The following PCYT1A variants were observed in gnomAD, a reference collection of about 807,000 sequenced individuals.
PCYT1A encodes choline-phosphate cytidylyltransferase A.
PCYT1A carries 25 observed loss-of-function variants against 43.7 expected under a neutral mutation model. That is an observed-to-expected ratio of 0.57 (90% CI 0.42 to 0.80). The LOEUF (loss-of-function observed/expected upper bound fraction) is 0.80, where lower values mean the gene tolerates loss of function less well. Among genes scored for constraint, PCYT1A ranks in the 30% least tolerant of loss-of-function variants. The probability of loss-of-function intolerance (pLI) is 0.00; values close to 1 mark genes in which losing one functional copy is unlikely to be tolerated. For missense variants in PCYT1A, 421 were observed against 474.2 expected, an observed-to-expected ratio of 0.89 and a Z score of 1.04; for synonymous variants, 172 against 170.7, an observed-to-expected ratio of 1.01 and a Z score of -0.06.
At position 196,282,417 on chromosome 3, in the gene PCYT1A, C is replaced by G. The variant is rs1482487313; in HGVS notation, c.-11+5198G>C. 3.9e-5 allele frequency among the ~76,000 whole-genome samples: 6 copies of G among 152,138 alleles called. No individual in the cohort carries two copies. Among genetic ancestry groups the G allele is most frequent in the Non-Finnish European group, 1.5e-5 (1 of 68,036 alleles). ...GGTTATGGAACTCATATCTCTGAGG[C>G]AGGGTCTATGATAGAATTCAGGAAG... On this transcript the variant is annotated intron_variant, in intron 1 of 8. Transcript: ENST00000431016. The surrounding 1 kb of genome is among the most constrained non-coding windows in gnomAD (Gnocchi z 4.3).
At chr3:196,260,112 AG>A (rs931346716) in intron 2 of PCYT1A, among the ~76,000 whole-genome samples, 13 of 151,444 alleles carry the variant, frequency 8.6e-5, no homozygotes, top group Admixed American at 4.6e-4. Flanking sequence ...TAGTAGAGAC[AG>A]GGTTTCACCA....
chr3:196,255,307 T>A (rs991099926), intron 3 of PCYT1A, among the ~76,000 whole-genome samples: 1 of 152,174 alleles, frequency 6.6e-6, no homozygotes, highest in African/African-American at 2.4e-5. Context: ...TTACAATGAG[T>A]AGCACCATTC....
At chr3:196,251,144 T>A (rs535364813) in intron 3 of PCYT1A, among the ~76,000 whole-genome samples, 1 of 150,658 alleles carries the variant, frequency 6.6e-6, no homozygotes, top group Non-Finnish European at 1.5e-5. Context: ...GAGGACCAGA[T>A]ACACCATGCT....
intron 3 of PCYT1A, among the ~76,000 whole-genome samples, chr3:196,249,894 A>G (rs1724694100): frequency 6.6e-6 from 1 of 151,886 alleles, no homozygotes; most frequent in African/African-American, 2.4e-5. Flanking sequence ...GCTGAGGACC[A>G]GATACACTAT....
At chr3:196,278,816 C>T (rs1028317927) in intron 1 of PCYT1A, among the ~76,000 whole-genome samples, 6 of 151,740 alleles carry the variant, frequency 4.0e-5, no homozygotes, top group Non-Finnish European at 5.9e-5. Context: ...CCCATCTCTA[C>T]TAAAAAGACA....
intron 3 of PCYT1A, among the ~76,000 whole-genome samples, chr3:196,250,206 A>G (rs1286455143): frequency 6.8e-6 from 1 of 146,016 alleles, no homozygotes; most frequent in Non-Finnish European, 1.5e-5. Flanking sequence ...GCCGAGGCAG[A>G]GGACCAGGTA....
At chr3:196,248,589 C>G (rs1232345412) in intron 3 of PCYT1A, among the ~76,000 whole-genome samples, 1 of 151,828 alleles carries the variant, frequency 6.6e-6, no homozygotes, top group Non-Finnish European at 1.5e-5. Flanking sequence ...CCAGGCTGGT[C>G]TCGAATTCCT....
intron 5 of PCYT1A, among the ~76,000 whole-genome samples, chr3:196,244,662 T>TG (rs1422823310): frequency 6.6e-6 from 1 of 152,166 alleles, no homozygotes; most frequent in Non-Finnish European, 1.5e-5. Context: ...GGGGGAAATG[T>TG]GGGGAAAAGA....
chr3:196,262,976 G>A (rs750743830), intron 2 of PCYT1A, among the ~76,000 whole-genome samples: 1 of 151,854 alleles, frequency 6.6e-6, no homozygotes, highest in Non-Finnish European at 1.5e-5. Context: ...TTTAGTTTTA[G>A]TAGAGACAGG....
rs369326424 is a variant in PCYT1A at position 196,238,750 on chromosome 3, G to A, written c.1042C>T (p.Pro348Ser). ...GCCTTGTGCCTGGAGAGATTTGCTG[G>A]GGAGCAAGGTGGGGAAGTCTTGCCG... ...FSGKTSPPCS[P>S]ANLSRHKAAA... Residue 348 changes from proline to serine, a missense_variant, in exon 9 of 9, where the codon CCA (proline) becomes TCA (serine). Physicochemically the swap from Pro to Ser is moderately conservative, Grantham distance 74. Around this residue, in one of 3 missense-constraint regions of PCYT1A, gnomAD observed 108 missense variants for 85.7 expected, o/e 1.26. Transcript: ENST00000431016. 3.0e-5 allele frequency: 47 copies of A among 1,592,178 alleles called. No individual in the cohort carries two copies. Among genetic ancestry groups the A allele is most frequent in the African/African-American group, 4.1e-5 (3 of 73,438 alleles).
Position 196,242,034 on chromosome 3 carries a change from G to T in PCYT1A, c.622C>A (p.Arg208=). 1 of 1,614,076 alleles carries T rather than the reference G, an allele frequency of 6.2e-7. No individual in the cohort carries two copies. Among genetic ancestry groups the T allele is most frequent in the Non-Finnish European group, 8.5e-7 (1 of 1,179,962 alleles). ...EGISTSDIIT[R]IVRDYDVYAR... ...TACACATCATAATCCCGCACAATTC[G>T]GGTGATGATGTCTGATGTGGAGATA... The change falls in exon 7 of 9, where the codon CGA becomes AGA. Residue 208 remains arginine, a synonymous_variant. Transcript: ENST00000431016. The surrounding 1 kb of genome is among the most constrained non-coding windows in gnomAD (Gnocchi z 4.2).
chr3:196,251,173 C>T (rs1357775882), intron 3 of PCYT1A, among the ~76,000 whole-genome samples: 1 of 151,268 alleles, frequency 6.6e-6, no homozygotes, highest in African/African-American at 2.4e-5. Flanking sequence ...GGATCACATA[C>T]ACCATGCTGA....
chr3:196,248,356 T>C (rs758691089), intron 3 of PCYT1A, 33 bp from the exon 4 acceptor site: 10 of 1,271,324 alleles, frequency 7.9e-6, no homozygotes, highest in East Asian at 4.6e-5. Flanking sequence ...ATCACAAAAA[T>C]ACCTTTTTTT....
At chr3:196,241,793 T>C in intron 7 of PCYT1A, 155 bp downstream of exon 7, 1 of 1,207,608 alleles carries the variant, frequency 8.3e-7, no homozygotes, top group Non-Finnish European at 1.2e-6. Flanking sequence ...TCTGTTTCAT[T>C]CTTTTTGTGA....
At chr3:196,257,076 T>A (rs1350295296) in intron 3 of PCYT1A, among the ~76,000 whole-genome samples, 1 of 152,130 alleles carries the variant, frequency 6.6e-6, no homozygotes, top group Non-Finnish European at 1.5e-5. Context: ...AAGGGAGAAT[T>A]GGGGAATTTA....
chr3:196,262,445 T>A (rs570778468), intron 2 of PCYT1A, among the ~76,000 whole-genome samples: 27 of 152,368 alleles, frequency 1.8e-4, no homozygotes, highest in African/African-American at 6.5e-4. Flanking sequence ...TTTCCTCTTG[T>A]ATTCTATAGA....
At chr3:196,250,278 C>A (rs1724710597) in intron 3 of PCYT1A, among the ~76,000 whole-genome samples, 1 of 151,322 alleles carries the variant, frequency 6.6e-6, no homozygotes, top group Non-Finnish European at 1.5e-5. Context: ...ATACACCATG[C>A]CGAGGCGAGG....
Position 196,266,197 on chromosome 3 carries a change from G to A in PCYT1A, c.117+4218C>T, listed in dbSNP as rs186956725. Among the ~76,000 whole-genome samples the A allele has an allele frequency of 1.9e-4, 29 of 152,118 alleles. 1 individual carries two copies. Among genetic ancestry groups the A allele is most frequent in the Admixed American group, 7.9e-4 (12 of 15,286 alleles). ...ATTGTAAATATGCAATAAAGGCCAGGTGCAGTAGCTCACGCCTGTAATCCC... is the reference window on the plus strand; with the variant it reads ...ATTGTAAATATGCAATAAAGGCCAGATGCAGTAGCTCACGCCTGTAATCCC... On this transcript the variant is annotated intron_variant, in intron 2 of 8. Coordinates refer to ENST00000431016, the MANE Select transcript of PCYT1A (RefSeq NM_001312673.2).
chr3:196,244,518 G>T (rs1383491572), intron 5 of PCYT1A, among the ~76,000 whole-genome samples: 1 of 148,906 alleles, frequency 6.7e-6, no homozygotes, highest in African/African-American at 2.5e-5. Flanking sequence ...GGAGGTGAGG[G>T]GCGCCTCTGC....
Sources: allele counts gnomAD v4.1 joint callset (sites outside exome capture counted in the v4.1 genomes callset), GRCh38; gene constraint gnomAD v4.1.1; regional missense constraint gnomAD v4.1.1; non-coding constraint Gnocchi (gnomAD v3.1); transcripts MANE v1.5; gene names NCBI Gene and HGNC (gene_info 2026-07-23, HGNC 2026-07-21).